HPSE2: variants seen among roughly 807,000 people sequenced by gnomAD.
HPSE2 encodes inactive heparanase-2.
In HPSE2, 38 loss-of-function variants were observed where a neutral mutation model predicts 60.5. That is an observed-to-expected ratio of 0.63 (90% CI 0.48 to 0.82). The LOEUF is 0.82. Among genes scored for constraint, HPSE2 ranks in the 40% least tolerant of loss-of-function variants. The pLI, the probability that HPSE2 is intolerant of heterozygous loss-of-function variation, is 0.00. For missense variants in HPSE2, 713 were observed against 740.4 expected, an observed-to-expected ratio of 0.96 and a Z score of 0.43; for synonymous variants, 295 against 293.2, an observed-to-expected ratio of 1.01 and a Z score of -0.06.
chr10:98,854,555 A>G (rs1011054059), intron 3 of HPSE2, among the ~76,000 whole-genome samples: 20 of 152,316 alleles, frequency 1.3e-4, no homozygotes, highest in Admixed American at 7.8e-4. Flanking sequence ...CATTCACCAA[A>G]CATGGATGTA....
chr10:99,307,139 G>C, the HPSE2 span, among the ~76,000 whole-genome samples: 3 of 152,182 alleles, frequency 2.0e-5, no homozygotes, highest in African/African-American at 7.2e-5. Context: ...TGCAGTTGGA[G>C]CTGTGCTGCT....
chr10:98,670,953 C>T (rs933129174), intron 6 of HPSE2, among the ~76,000 whole-genome samples: 4 of 152,192 alleles, frequency 2.6e-5, no homozygotes, highest in African/African-American at 9.7e-5. Context: ...CCTTCTACAA[C>T]TTGGTGTCTG....
intron 3 of HPSE2, among the ~76,000 whole-genome samples, chr10:98,850,288 CA>C: frequency 6.6e-6 from 1 of 152,086 alleles, no homozygotes; most frequent in East Asian, 1.9e-4. Flanking sequence ...AACAGATATT[CA>C]AAGTTCTTAC....
intron 9 of HPSE2, among the ~76,000 whole-genome samples, chr10:98,613,386 T>C (rs1265025361): frequency 2.6e-5 from 4 of 152,208 alleles, no homozygotes; most frequent in Admixed American, 2.6e-4. Flanking sequence ...AGAGGTACAC[T>C]AGTCCGGCAA....
the HPSE2 span, among the ~76,000 whole-genome samples, chr10:99,286,621 T>C: frequency 1.6e-4 from 24 of 152,190 alleles, no homozygotes; most frequent in African/African-American, 5.8e-4. Flanking sequence ...GTGATGACTG[T>C]ATGACATTGT....
chr10:98,664,896 T>C (rs1450974124), intron 6 of HPSE2, among the ~76,000 whole-genome samples: 3 of 152,098 alleles, frequency 2.0e-5, no homozygotes, highest in Non-Finnish European at 4.4e-5. Context: ...GAGTGTCTCC[T>C]TACCTCCAAA....
rs531565844 is a variant in HPSE2, at chr10:98,584,165, T to C, written c.1320+30739A>G. 1.4e-3 allele frequency among the ~76,000 whole-genome samples: 206 copies of C among 152,252 alleles called. 1 individual carries two copies. Among genetic ancestry groups the C allele is most frequent in the African/African-American group, 4.7e-3 (197 of 41,544 alleles). On this transcript the variant is annotated intron_variant, in intron 9 of 11. Coordinates refer to ENST00000370552, the MANE Select transcript of HPSE2 (RefSeq NM_021828.5). ...CAGTTGCTCCACATCTTAATAGAAG[T>C]CTTTGAAAGTAGGGGGTAAAAAGAG...
rs1003963683 is a variant in HPSE2, at chr10:98,625,647, C to T, written c.1099-4939G>A. Among the ~76,000 whole-genome samples, 6 of 152,184 alleles carry T rather than the reference C, an allele frequency of 3.9e-5. No individual in the cohort carries two copies. In the South Asian group the frequency reaches 6.2e-4, roughly 16 times the overall value. On this transcript the variant is annotated intron_variant, in intron 7 of 11. Transcript: ENST00000370552. ...GAAACGGCAACTTTAAGCAAAAGAA[C>T]GTATAATATAACCAATGTTGCTATA...
At chr10:98,847,345 C>T (rs373170804) in intron 3 of HPSE2, among the ~76,000 whole-genome samples, 17 of 152,108 alleles carry the variant, frequency 1.1e-4, no homozygotes, top group African/African-American at 3.6e-4. Flanking sequence ...TTCATATGGT[C>T]GCATTTAATG....
rs1238208725 is a variant in HPSE2 at position 98,935,456 on chromosome 10, T to C, written c.611-191400A>G. Among the ~76,000 whole-genome samples the C allele has an allele frequency of 2.1e-5, 3 of 143,886 alleles. 1 individual carries two copies. Among genetic ancestry groups the C allele is most frequent in the Non-Finnish European group, 4.5e-5 (3 of 67,148 alleles). 94.4% of individuals were successfully genotyped at this position (143,886 alleles called of 152,430 possible). On this transcript the variant is annotated intron_variant, in intron 3 of 11. Coordinates refer to ENST00000370552, the MANE Select transcript of HPSE2 (RefSeq NM_021828.5). ...TTTGATCTTTGAGGCTGACAACCTT[T>C]GGATAGGGTTTTTGTGGGGTCTTTT...
At chr10:99,149,919 C>G (rs1846196992) in intron 2 of HPSE2, among the ~76,000 whole-genome samples, 1 of 151,178 alleles carries the variant, frequency 6.6e-6, no homozygotes, top group African/African-American at 2.4e-5. Context: ...TGGATGATCT[C>G]TAAACCTCTT....
intron 3 of HPSE2, among the ~76,000 whole-genome samples, chr10:99,113,815 C>T (rs1446062207): frequency 1.3e-5 from 2 of 151,648 alleles, no homozygotes. Context: ...CATGAATATA[C>T]TGTGTATTAG....
rs577239502 is a variant in HPSE2, at chr10:98,965,712, G to C, written c.610+178526C>G. Among the ~76,000 whole-genome samples, 3 of 152,222 alleles carry C rather than the reference G, an allele frequency of 2.0e-5. No homozygotes were observed. The South Asian group carries it at 6.2e-4, about 32-fold the overall frequency. ...TCTTCAACATAAACCTCATCTAAAA[G>C]TGGTCATTGCCTCTAGCACTCATGT... is the stretch of plus-strand genomic sequence containing the variant. On this transcript the variant is annotated intron_variant, in intron 3 of 11. Transcript: ENST00000370552.
chr10:99,120,892 A>G (rs918108026), intron 3 of HPSE2, among the ~76,000 whole-genome samples: 4 of 152,242 alleles, frequency 2.6e-5, no homozygotes, highest in African/African-American at 9.6e-5. Flanking sequence ...TGAGGAAAAC[A>G]GTGTGGTAAT....
chr10:99,259,480 A>T, the HPSE2 span, among the ~76,000 whole-genome samples: 3 of 152,228 alleles, frequency 2.0e-5, no homozygotes, highest in African/African-American at 4.8e-5. Flanking sequence ...AAAATATTTA[A>T]ACAGATACTT....
intron 3 of HPSE2, among the ~76,000 whole-genome samples, chr10:98,930,161 G>A (rs1207698124): frequency 3.5e-5 from 5 of 143,448 alleles, no homozygotes. Flanking sequence ...ACAGGCCCCA[G>A]TAAGTGTTGT....
At chr10:98,796,511 T>C (rs998718455) in intron 3 of HPSE2, among the ~76,000 whole-genome samples, 1 of 152,118 alleles carries the variant, frequency 6.6e-6, no homozygotes, top group Non-Finnish European at 1.5e-5. Context: ...CACAGTAAAA[T>C]GGAACATCAG....
chr10:98,742,546 C>T (rs954646111), intron 4 of HPSE2, among the ~76,000 whole-genome samples: 2 of 151,928 alleles, frequency 1.3e-5, no homozygotes, highest in Admixed American at 6.6e-5. Context: ...TAAAGTATAC[C>T]AAAAGGTCTT....
intron 9 of HPSE2, among the ~76,000 whole-genome samples, chr10:98,512,442 G>A (rs371395248): frequency 4.6e-5 from 7 of 152,118 alleles, no homozygotes; most frequent in Middle Eastern, 3.4e-3. Context: ...AAAATTAGCC[G>A]GGCGTGGTAG....
Sources: allele counts gnomAD v4.1 joint callset (sites outside exome capture counted in the v4.1 genomes callset), GRCh38; gene constraint gnomAD v4.1.1; transcripts MANE v1.5; gene names NCBI Gene and HGNC (gene_info 2026-07-23, HGNC 2026-07-21).